Variants in PCDH15 observed in about 807,000 individuals in gnomAD.
The protein encoded by PCDH15 is protocadherin-15.
A neutral mutation model predicts 178.5 loss-of-function variants in PCDH15; 129 were observed. The ratio of observed to expected loss-of-function variants is 0.72; its 90% CI spans 0.63 to 0.84. PCDH15 has a LOEUF of 0.84. PCDH15 is among the 40% of genes least tolerant of loss of function. The pLI is 0.00. For synonymous variants in PCDH15, 800 were observed against 732.0 expected (o/e 1.09, Z -1.50); for missense variants, 2,230 against 2,099.9 (o/e 1.06, Z -1.21).
chr10:54,775,392 A>G (rs1949574929), intron 1 of PCDH15, among the ~76,000 whole-genome samples: 1 of 152,184 alleles, frequency 6.6e-6, no homozygotes, highest in Non-Finnish European at 1.5e-5. Context: ...TATGGAGTAC[A>G]TAGTGATGTT....
At chr10:55,093,998 T>C (rs1247784686) in intron 2 of PCDH15, among the ~76,000 whole-genome samples, 1 of 152,088 alleles carries the variant, frequency 6.6e-6, no homozygotes, top group Non-Finnish European at 1.5e-5. Flanking sequence ...TCCTCAAGGA[T>C]CTAGAACTAG....
intron 2 of PCDH15, among the ~76,000 whole-genome samples, chr10:55,030,079 A>G (rs966874787): frequency 4.6e-5 from 7 of 152,202 alleles, no homozygotes; most frequent in Non-Finnish European, 1.0e-4. Flanking sequence ...TACACAAGTT[A>G]GGCTGATGAG....
intron 2 of PCDH15, among the ~76,000 whole-genome samples, chr10:54,910,237 T>C (rs567872771): frequency 1.4e-4 from 21 of 152,210 alleles, no homozygotes; most frequent in African/African-American, 5.1e-4. Context: ...GTGGCGGCCA[T>C]CAATACCACC....
At chr10:55,111,500 C>T (rs1013280503) in intron 2 of PCDH15, among the ~76,000 whole-genome samples, 9 of 151,906 alleles carry the variant, frequency 5.9e-5, no homozygotes, top group African/African-American at 4.8e-5. Flanking sequence ...CTATTTTATG[C>T]TTAACTCAAT....
intron 3 of PCDH15, among the ~76,000 whole-genome samples, chr10:54,391,975 A>G (rs1354342350): frequency 1.3e-5 from 2 of 152,168 alleles, no homozygotes; most frequent in African/African-American, 4.8e-5. Context: ...GGCTTAGGAA[A>G]GCAAGTGCCA....
chr10:55,292,852 T>A (rs1304167584), intron 1 of PCDH15, among the ~76,000 whole-genome samples: 1 of 152,228 alleles, frequency 6.6e-6, no homozygotes, highest in African/African-American at 2.4e-5. Flanking sequence ...GTTTAGTGTC[T>A]GAAGCTTTTC....
chr10:54,233,526 C>A (rs12412208), intron 9 of PCDH15, among the ~76,000 whole-genome samples: 1 of 152,080 alleles, frequency 6.6e-6, no homozygotes, highest in African/African-American at 2.4e-5. Flanking sequence ...TTCAATTTAA[C>A]GATATTGGTT....
At chr10:53,983,668 G>A (rs1276501314) in intron 21 of PCDH15, among the ~76,000 whole-genome samples, 2 of 152,132 alleles carry the variant, frequency 1.3e-5, no homozygotes, top group Non-Finnish European at 2.9e-5. Flanking sequence ...GACCCTTAAA[G>A]GTATGAAATA....
At position 55,331,062 on chromosome 10, in the gene PCDH15, ATTCTC is replaced by A. The variant is rs1213606248; in HGVS notation, c.-155-164416_-155-164412del. Among the ~76,000 whole-genome samples, 3 of 152,020 alleles carry A rather than the reference ATTCTC, an allele frequency of 2.0e-5. No individual in the cohort carries two copies. In the East Asian group the frequency reaches 5.8e-4, roughly 29 times the overall value. On this transcript the variant is annotated intron_variant, in intron 2 of 5. Coordinates refer to the PCDH15 transcript ENST00000613346. The stretch of plus-strand genomic sequence containing the variant: ...TAAGATACTTACGATTTCTTAAGAA[ATTCTC>A]TTCTCAAGAGGGAAATGATGCTAAC...
chr10:54,591,918 C>T (rs963129672), intron 2 of PCDH15, among the ~76,000 whole-genome samples: 2 of 152,068 alleles, frequency 1.3e-5, no homozygotes, highest in Non-Finnish European at 2.9e-5. Flanking sequence ...CAACATGACC[C>T]AATCTTGTCA....
intron 2 of PCDH15, among the ~76,000 whole-genome samples, chr10:55,547,895 G>GTC: frequency 8.6e-6 from 1 of 116,214 alleles, no homozygotes; most frequent in African/African-American, 4.1e-5. Flanking sequence ...TGGTGTGTGT[G>GTC]TCTGTGTGTG....
intron 8 of PCDH15, among the ~76,000 whole-genome samples, chr10:54,273,631 G>GA (rs2058174942): frequency 6.6e-6 from 1 of 151,570 alleles, no homozygotes; most frequent in South Asian, 2.1e-4. Flanking sequence ...AGTTTTAAAA[G>GA]AAAAAAAAGT....
At chr10:54,497,243 G>GA (rs76984542) in intron 3 of PCDH15, among the ~76,000 whole-genome samples, 9,173 of 137,556 alleles carry the variant, frequency 0.067, 910 homozygotes, top group African/African-American at 0.22. Context: ...TGTACCACAG[G>GA]AAAAAAAAAA....
intron 1 of PCDH15, among the ~76,000 whole-genome samples, chr10:54,666,887 G>A (rs765348054): frequency 3.2e-4 from 48 of 151,864 alleles, no homozygotes; most frequent in Non-Finnish European, 5.7e-4. Context: ...CCTAACTGAA[G>A]CTAATTTGGT....
intron 25 of PCDH15, among the ~76,000 whole-genome samples, chr10:53,927,400 C>T (rs1188859838): frequency 1.3e-5 from 2 of 152,092 alleles, no homozygotes; most frequent in Non-Finnish European, 2.9e-5. Context: ...TTTAACTCAT[C>T]AAATGTTCTT....
chr10:55,275,442 G>T (rs1842565520), intron 1 of PCDH15, among the ~76,000 whole-genome samples: 1 of 151,728 alleles, frequency 6.6e-6, no homozygotes, highest in African/African-American at 2.4e-5. Context: ...CTTCTATAGT[G>T]TCTTCTCGAT....
chr10:55,572,132 T>C (rs1238231018), intron 2 of PCDH15, among the ~76,000 whole-genome samples: 2 of 151,966 alleles, frequency 1.3e-5, no homozygotes, highest in Non-Finnish European at 2.9e-5. Context: ...GCTTTTGAGA[T>C]CAGCAAAATA....
chr10:54,643,520 AT>A (rs1240636499), intron 2 of PCDH15, among the ~76,000 whole-genome samples: 1 of 152,124 alleles, frequency 6.6e-6, no homozygotes, highest in Non-Finnish European at 1.5e-5. Flanking sequence ...AGGAGAGTCT[AT>A]TTTGATATTT....
At chr10:55,435,047 C>A (rs2132061615) in intron 2 of PCDH15, among the ~76,000 whole-genome samples, 1 of 152,096 alleles carries the variant, frequency 6.6e-6, no homozygotes, top group East Asian at 1.9e-4. Flanking sequence ...GAAAGATTGG[C>A]TGAGGCAAAG....
Sources: allele counts gnomAD v4.1 joint callset (sites outside exome capture counted in the v4.1 genomes callset), GRCh38; gene constraint gnomAD v4.1.1; transcripts MANE v1.5; gene names NCBI Gene and HGNC (gene_info 2026-07-23, HGNC 2026-07-21).